Variants in ENPP1 observed in about 807,000 individuals in gnomAD.
ENPP1 encodes the protein ectonucleotide pyrophosphatase/phosphodiesterase 1, also known as ectonucleotide pyrophosphatase/phosphodiesterase family member 1.
In ENPP1, 73 loss-of-function variants were observed where a neutral mutation model predicts 122.8. That is an observed-to-expected ratio of 0.59 (90% CI 0.49 to 0.72). The LOEUF (loss-of-function observed/expected upper bound fraction) is 0.72. Ranked by LOEUF, ENPP1 falls within the 30% of genes least tolerant of loss-of-function variation. The probability of loss-of-function intolerance (pLI) is 0.00; values close to 1 mark genes in which losing one functional copy is unlikely to be tolerated. For synonymous variants in ENPP1, 367 were observed against 391.6 expected, an observed-to-expected ratio of 0.94 and a Z score of 0.74; for missense variants, 978 against 1,128.1, an observed-to-expected ratio of 0.87 and a Z score of 1.91.
At chr6:131,874,214 AATT>A in intron 15 of ENPP1, 51 bp from the exon 16 acceptor site, 1 of 999,674 alleles carries the variant, frequency 1.0e-6, no homozygotes, top group Non-Finnish European at 1.6e-6. Flanking sequence ...TATGATTATC[AATT>A]ATGTTTTATG....
At chr6:131,859,961 A>G (rs928248485) in intron 7 of ENPP1, among the ~76,000 whole-genome samples, 1 of 152,170 alleles carries the variant, frequency 6.6e-6, no homozygotes, top group African/African-American at 2.4e-5. Context: ...CTGTTTGACC[A>G]TATAGCCTCC....
intron 24 of ENPP1, among the ~76,000 whole-genome samples, chr6:131,887,462 G>A (rs1433866651): frequency 2.7e-5 from 4 of 150,778 alleles, no homozygotes; most frequent in Admixed American, 6.6e-5. Context: ...GCATGATCTC[G>A]GCTCACCGCA....
At chr6:131,884,146 T>C (rs1029349263) in intron 22 of ENPP1, among the ~76,000 whole-genome samples, 27 of 152,330 alleles carry the variant, frequency 1.8e-4, no homozygotes, top group Non-Finnish European at 3.4e-4. Context: ...TCATTAACTA[T>C]TGCAGCATTT....
intron 1 of ENPP1, chr6:131,828,048 G>A (rs1158112943): frequency 7.6e-6 from 5 of 662,168 alleles, no homozygotes; most frequent in Non-Finnish European, 2.9e-6. Context: ...AAGAGCACCA[G>A]GTAGGGGAAG....
intron 19 of ENPP1, 32 bp from the exon 20 acceptor site, chr6:131,879,848 T>C (rs749703798): frequency 6.3e-7 from 1 of 1,593,096 alleles, no homozygotes; most frequent in Non-Finnish European, 8.6e-7. Flanking sequence ...TAATGCACAC[T>C]AACTACATTT....
At chr6:131,814,728 A>G (rs1192961572) in intron 1 of ENPP1, among the ~76,000 whole-genome samples, 7 of 152,220 alleles carry the variant, frequency 4.6e-5, no homozygotes, top group Admixed American at 1.3e-4. Flanking sequence ...GTCCAGCCAT[A>G]GTTGAACATT....
intron 1 of ENPP1, chr6:131,826,222 C>T (rs1221244064): frequency 4.0e-5 from 37 of 933,362 alleles, no homozygotes; most frequent in Admixed American, 2.4e-4. Context: ...CAGCTTTTTG[C>T]ACTGAAACAG....
Position 131,883,720 on chromosome 6 carries a change from T to C in ENPP1, c.2257T>C (p.Tyr753His), listed in dbSNP as rs754096680. The C allele has an allele frequency of 3.3e-6, 5 of 1,516,256 alleles. No individual in the cohort carries two copies. The highest frequency in any genetic ancestry group is 4.6e-6 in the Non-Finnish European group (5 of 1,091,798). 93.9% of individuals were successfully genotyped at this position (1,516,256 alleles called of 1,614,324 possible). ...ACTAAATAAAAATTCAAGTGGAATA[T>C]ATTCTGAAGCTTTGCTTACTACAAA... ...PQLNKNSSGI[Y>H]SEALLTTNIV... The change falls in exon 22 of 25, where the codon TAT (tyrosine) becomes CAT (histidine). Residue 753 changes from tyrosine to histidine, a missense_variant. Coordinates refer to ENST00000647893, the MANE Select transcript of ENPP1 (RefSeq NM_006208.3).
chr6:131,833,822 A>G (rs908225833), intron 1 of ENPP1, among the ~76,000 whole-genome samples: 1 of 152,258 alleles, frequency 6.6e-6, no homozygotes, highest in African/African-American at 2.4e-5. Context: ...GACAGGAGAC[A>G]GTTAAAACCA....
chr6:131,880,101 A>G lies in ENPP1; in HGVS notation c.2100+67A>G, dbSNP rs1284752211. The G allele has an allele frequency of 2.8e-6, 4 of 1,447,816 alleles. No homozygotes were observed. The Admixed American group carries it at 6.7e-5, about 24-fold the overall frequency. The allele number at this position is 1,447,816 out of a possible 1,614,324, so 89.7% of individuals were successfully genotyped here. ...AATGATTAAGCAGAACATTAAATGC[A>G]TAGTTTCTCACTGTTCACCTTGGCT... is the stretch of plus-strand genomic sequence containing the variant. On this transcript the variant is annotated intron_variant, in intron 20 of 24. Coordinates refer to ENST00000647893, the MANE Select transcript of ENPP1 (RefSeq NM_006208.3).
At chr6:131,844,188 T>G (rs1781776163) in intron 1 of ENPP1, among the ~76,000 whole-genome samples, 1 of 152,226 alleles carries the variant, frequency 6.6e-6, no homozygotes, top group Admixed American at 6.5e-5. Flanking sequence ...TTTGGCCACT[T>G]GTGAGAGTAC....
intron 8 of ENPP1, 63 bp from the exon 9 acceptor site, chr6:131,861,532 C>A: frequency 9.5e-7 from 1 of 1,056,408 alleles, no homozygotes; most frequent in Non-Finnish European, 1.5e-6. Context: ...GGTATGAATA[C>A]ATACTTTCCT....
rs1280785286 is a variant in ENPP1 at position 131,827,000 on chromosome 6, C to A, written c.240+18725C>A. On this transcript the variant is annotated intron_variant, in intron 1 of 24. Coordinates refer to ENST00000647893, the MANE Select transcript of ENPP1 (RefSeq NM_006208.3). ...AAGCCAGTGCAGGATGGTCTACTAC[C>A]AGAGATGAATGGTCCACATCTTTGA... The A allele has an allele frequency of 6.2e-6, 3 of 486,340 alleles. No individual in the cohort carries two copies. The Admixed American group carries it at 8.6e-5, about 14-fold the overall frequency. The allele number at this position is 486,340 out of a possible 1,614,324, so 30.1% of individuals were successfully genotyped here.
At chr6:131,829,073 A>G (rs962241204) in intron 1 of ENPP1, among the ~76,000 whole-genome samples, 20 of 152,218 alleles carry the variant, frequency 1.3e-4, no homozygotes, top group African/African-American at 4.8e-4. Context: ...TCTCTGACCC[A>G]CTATCTGCAT....
intron 11 of ENPP1, among the ~76,000 whole-genome samples, 179 bp downstream of exon 11, chr6:131,865,117 T>A (rs560593918): frequency 6.6e-6 from 1 of 152,362 alleles, no homozygotes; most frequent in Admixed American, 6.5e-5. Context: ...TTGGGAGAAT[T>A]GTTTAGCCTG....
At position 131,883,681 on chromosome 6, in the gene ENPP1, T is replaced by A. The variant is rs886834456; in HGVS notation, c.2231-13T>A. 5 of 1,234,980 alleles carry A rather than the reference T, an allele frequency of 4.0e-6. No homozygotes were observed. Among genetic ancestry groups the A allele is most frequent in the Non-Finnish European group, 6.0e-6 (5 of 836,066 alleles). The allele number at this position is 1,234,980 out of a possible 1,614,324, so 76.5% of individuals were successfully genotyped here. ...GTGAAGAATGAAAAAGTTGTCCTCT[T>A]TTCTCTTTGTAGAACTAAATAAAAA... On this transcript the variant is annotated splice_polypyrimidine_tract_variant and intron_variant, in intron 21 of 24. Transcript: ENST00000647893.
Position 131,892,719 on chromosome 6 carries a change from G to T in ENPP1, c.*2208G>T, listed in dbSNP as rs994301723. On this transcript the variant is annotated 3_prime_UTR_variant, in exon 25 of 25. Transcript: ENST00000647893. ...GGATACCAAGAATACAAAAGTCAGG[G>T]AGTTGGGGCACCTCTTTACAGCTTG... 1 of 152,036 alleles carries T rather than the reference G, an allele frequency of 6.6e-6. No individual in the cohort carries two copies. Among genetic ancestry groups the T allele is most frequent in the African/African-American group, 2.4e-5 (1 of 41,386 alleles). The allele number at this position is 152,036 out of a possible 1,614,324, so 9.4% of individuals were successfully genotyped here.
At chr6:131,838,198 G>T (rs1426822488) in intron 1 of ENPP1, among the ~76,000 whole-genome samples, 1 of 152,026 alleles carries the variant, frequency 6.6e-6, no homozygotes, top group East Asian at 1.9e-4. Flanking sequence ...CACTTCAAAA[G>T]GATGATAGTC....
At chr6:131,874,041 C>G (rs1426105632) in intron 15 of ENPP1, among the ~76,000 whole-genome samples, 1 of 152,056 alleles carries the variant, frequency 6.6e-6, no homozygotes, top group Non-Finnish European at 1.5e-5. Flanking sequence ...TGTCTTGATG[C>G]TAGTGGTTTT....
Sources: allele counts gnomAD v4.1 joint callset (sites outside exome capture counted in the v4.1 genomes callset), GRCh38; gene constraint gnomAD v4.1.1; transcripts MANE v1.5; gene names NCBI Gene and HGNC (gene_info 2026-07-23, HGNC 2026-07-21).